Variants in SRGAP2C observed in about 807,000 individuals in gnomAD.
SRGAP2C encodes SLIT-ROBO Rho GTPase-activating protein 2C.
In SRGAP2C, 15 loss-of-function variants were observed where a neutral mutation model predicts 25.1. That is an observed-to-expected ratio of 0.60 (90% CI 0.40 to 0.92). SRGAP2C has a LOEUF of 0.92. SRGAP2C is among the 40% of genes least tolerant of loss of function. SRGAP2C has a pLI of 0.00. For synonymous variants in SRGAP2C, 44 were observed against 96.6 expected (o/e 0.46, Z 3.19); for missense variants, 144 against 264.4 (o/e 0.54, Z 3.16).
chr1:121,343,332 G>A (rs1658674580), intron 4 of SRGAP2C, among the ~76,000 whole-genome samples: 1 of 152,170 alleles, frequency 6.6e-6, no homozygotes, highest in Non-Finnish European at 1.5e-5. Flanking sequence ...CATATGAAGA[G>A]TGGGAAATAG....
intron 3 of SRGAP2C, among the ~76,000 whole-genome samples, chr1:121,285,402 T>TCACACACACACA (rs1452003957): frequency 0.018 from 2,332 of 127,924 alleles, 17 homozygotes; most frequent in East Asian, 0.072. Context: ...TCTCTCTCTC[T>TCACACACACACA]CTCACACACA....
At chr1:121,206,236 A>T (rs1207246301) in intron 2 of SRGAP2C, among the ~76,000 whole-genome samples, 1 of 151,946 alleles carries the variant, frequency 6.6e-6, no homozygotes, top group Non-Finnish European at 1.5e-5. Context: ...CACTACCAGA[A>T]AGCTTGTGAG....
chr1:121,302,951 T>A (rs1657733903), intron 3 of SRGAP2C, among the ~76,000 whole-genome samples: 1 of 152,070 alleles, frequency 6.6e-6, no homozygotes, highest in African/African-American at 2.4e-5. Flanking sequence ...CACTTCCTGA[T>A]GATTTGTGCC....
chr1:121,297,085 CT>C (rs1657614684), intron 3 of SRGAP2C, among the ~76,000 whole-genome samples: 1 of 152,010 alleles, frequency 6.6e-6, no homozygotes, highest in African/African-American at 2.4e-5. Flanking sequence ...GATGTAGCAC[CT>C]GGTGTTGCAA....
In SRGAP2C at chr1:121,374,059, T is replaced by C. The variant is rs782570713; in HGVS notation, c.575T>C (p.Ile192Thr). ...GCGGAGAAGCAGGAGGAGAAGCAAATTGGTAAATCGGTAAAGCAGGAGGAC... is the reference window on the plus strand; with the variant it reads ...GCGGAGAAGCAGGAGGAGAAGCAAACTGGTAAATCGGTAAAGCAGGAGGAC... ...KEAEKQEEKQ[I>T]GKSVKQEDRQ... Residue 192 changes from isoleucine (I) to threonine (T), a missense_variant, in exon 6 of 10, where the codon ATT (isoleucine) becomes ACT (threonine). This residue lies in a region of SRGAP2C where 26 missense variants were observed against 67.3 expected (regional missense o/e 0.39). Coordinates refer to ENST00000367123, the MANE Select transcript of SRGAP2C (RefSeq NM_001329984.2). 2 of 508,922 alleles carry C rather than the reference T, an allele frequency of 3.9e-6. No individual in the cohort carries two copies. The highest frequency in any genetic ancestry group is 7.0e-6 in the Non-Finnish European group (2 of 284,818). The allele number at this position is 508,922 out of a possible 1,614,324, so 31.5% of individuals were successfully genotyped here.
intron 4 of SRGAP2C, chr1:121,362,297 T>C (rs1553348733): frequency 3.0e-5 from 4 of 131,548 alleles, no homozygotes; most frequent in Admixed American, 8.0e-5. Context: ...TGCTAGAGGC[T>C]GTATTGCACA....
chr1:121,349,567 CA>C (rs1553345148), intron 4 of SRGAP2C, among the ~76,000 whole-genome samples: 1 of 96,966 alleles, frequency 1.0e-5, no homozygotes, highest in Admixed American at 1.1e-4. Context: ...TGGTGGTCAC[CA>C]GAGGATCTCT....
intron 4 of SRGAP2C, among the ~76,000 whole-genome samples, chr1:121,354,250 TCTTTCTCTCTC>T (rs1658992326): frequency 1.7e-5 from 1 of 59,724 alleles, no homozygotes; most frequent in Non-Finnish European, 3.2e-5. Flanking sequence ...TTCCTTTCTT[TCTTTCTCTCTC>T]CTTTCTTTCT....
intron 2 of SRGAP2C, among the ~76,000 whole-genome samples, chr1:121,263,054 A>G (rs2101534346): frequency 6.6e-6 from 1 of 152,138 alleles, no homozygotes; most frequent in South Asian, 2.1e-4. Flanking sequence ...ACTGGCAAAC[A>G]TAGTAATAAG....
chr1:121,303,506 A>G (rs1553339108), intron 3 of SRGAP2C, among the ~76,000 whole-genome samples: 3 of 151,848 alleles, frequency 2.0e-5, no homozygotes, highest in South Asian at 4.2e-4. Flanking sequence ...CCTTGCCTTT[A>G]CTGTGGAGTT....
chr1:121,358,769 ATTTTTT>A (rs1161491118), intron 4 of SRGAP2C, among the ~76,000 whole-genome samples: 2 of 70,702 alleles, frequency 2.8e-5, no homozygotes, highest in Admixed American at 2.1e-4. Flanking sequence ...TTGAAATCAG[ATTTTTT>A]TTTTTTTTTT....
intron 2 of SRGAP2C, among the ~76,000 whole-genome samples, chr1:121,244,358 GTTT>G (rs781801776): frequency 3.9e-5 from 4 of 103,382 alleles, no homozygotes; most frequent in Non-Finnish European, 7.9e-5. Flanking sequence ...TTTATCGTGG[GTTT>G]TTTTTTTTTT....
intron 4 of SRGAP2C, among the ~76,000 whole-genome samples, chr1:121,338,957 T>G (rs1352769856): frequency 1.7e-4 from 26 of 150,726 alleles, no homozygotes; most frequent in Non-Finnish European, 3.1e-4. Context: ...TAACGTGTTT[T>G]TTTCAAGATA....
intron 4 of SRGAP2C, among the ~76,000 whole-genome samples, chr1:121,331,944 G>A (rs1658442612): frequency 6.6e-6 from 1 of 151,378 alleles, no homozygotes; most frequent in East Asian, 2.0e-4. Flanking sequence ...ACTGCTAAGG[G>A]ACACAAGGGA....
At chr1:121,329,815 G>A (rs1553342068) in intron 4 of SRGAP2C, among the ~76,000 whole-genome samples, 2 of 152,278 alleles carry the variant, frequency 1.3e-5, no homozygotes, top group Admixed American at 6.5e-5. Flanking sequence ...GAAGAAAGTA[G>A]CCTCCTGTTC....
chr1:121,384,570 C>T (rs1341522502), intron 8 of SRGAP2C, among the ~76,000 whole-genome samples: 1 of 102,436 alleles, frequency 9.8e-6, no homozygotes, highest in African/African-American at 3.9e-5. Context: ...GCCTTCCAAG[C>T]ACCTTCTCCA....
intron 4 of SRGAP2C, among the ~76,000 whole-genome samples, chr1:121,332,556 G>A (rs1658455089): frequency 1.3e-5 from 2 of 152,234 alleles, no homozygotes; most frequent in South Asian, 4.2e-4. Flanking sequence ...CAGGGTCTTG[G>A]AGATGTTAAA....
At chr1:121,207,612 C>A (rs1239827424) in intron 2 of SRGAP2C, among the ~76,000 whole-genome samples, 2 of 152,186 alleles carry the variant, frequency 1.3e-5, no homozygotes, top group South Asian at 4.2e-4. Context: ...GGGGAGATGG[C>A]GCTTTGATAG....
intron 2 of SRGAP2C, among the ~76,000 whole-genome samples, chr1:121,204,192 C>CA (rs1655059739): frequency 6.7e-6 from 1 of 148,792 alleles, no homozygotes; most frequent in African/African-American, 2.5e-5. Flanking sequence ...TTTGTAATGG[C>CA]AAGATTGTAC....
Sources: allele counts gnomAD v4.1 joint callset (sites outside exome capture counted in the v4.1 genomes callset), GRCh38; gene constraint gnomAD v4.1.1; regional missense constraint gnomAD v4.1.1; transcripts MANE v1.5; gene names NCBI Gene and HGNC (gene_info 2026-07-23, HGNC 2026-07-21).